The following PSD3 variants were observed in gnomAD, a reference collection of about 807,000 sequenced individuals.
PSD3 encodes the protein PH and SEC7 domain-containing protein 3.
A neutral mutation model predicts 105.5 loss-of-function variants in PSD3; 49 were observed. The ratio of observed to expected loss-of-function variants is 0.46; its 90% CI spans 0.37 to 0.59. The LOEUF (loss-of-function observed/expected upper bound fraction) is 0.59, where lower values mean the gene tolerates loss of function less well. Among genes scored for constraint, PSD3 ranks in the 20% least tolerant of loss-of-function variants. The pLI is 0.00. For missense variants in PSD3, 1,561 were observed against 1,263.8 expected (o/e 1.24, Z -3.57); for synonymous variants, 557 against 457.8 (o/e 1.22, Z -2.77).
intron 1 of PSD3, among the ~76,000 whole-genome samples, chr8:19,065,854 G>A (rs2129477739): frequency 6.6e-6 from 1 of 152,274 alleles, no homozygotes; most frequent in South Asian, 2.1e-4. Flanking sequence ...CCAGAGGCTA[G>A]GGGGTGGGGC....
intron 9 of PSD3, among the ~76,000 whole-genome samples, chr8:18,754,642 G>C (rs1419226592): frequency 6.6e-6 from 1 of 151,968 alleles, no homozygotes; most frequent in African/African-American, 2.4e-5. Flanking sequence ...TTAAAAACAG[G>C]ATCTAAATAC....
At chr8:19,057,397 A>G (rs1828745162) in intron 1 of PSD3, among the ~76,000 whole-genome samples, 1 of 152,186 alleles carries the variant, frequency 6.6e-6, no homozygotes, top group Non-Finnish European at 1.5e-5. Context: ...AGCATGAAAC[A>G]CAATTAACCC....
At position 18,607,440 on chromosome 8, in the gene PSD3, C is replaced by T. The variant is rs567429829; in HGVS notation, c.2411-7006G>A. 5.8e-4 allele frequency among the ~76,000 whole-genome samples: 88 copies of T among 152,238 alleles called. 1 individual carries two copies. The highest frequency in any genetic ancestry group is 1.6e-3 in the Admixed American group (24 of 15,296). ...ATCCACGGTTATAACCTCCATCTCACAGATGTGGAACCTATGACCACCTTC... is the reference window on the plus strand; with the variant it reads ...ATCCACGGTTATAACCTCCATCTCATAGATGTGGAACCTATGACCACCTTC... On this transcript the variant is annotated intron_variant, in intron 11 of 15. Coordinates refer to ENST00000327040, the MANE Select transcript of PSD3 (RefSeq NM_015310.4).
chr8:18,744,829 C>T (rs1221162171), intron 9 of PSD3, among the ~76,000 whole-genome samples: 7 of 152,218 alleles, frequency 4.6e-5, no homozygotes, highest in African/African-American at 1.7e-4. Context: ...CTAGAACCCA[C>T]AAGGCCTTCA....
chr8:19,015,236 C>G (rs141748179), upstream of PSD3, among the ~76,000 whole-genome samples: 663 of 152,316 alleles, frequency 4.4e-3, 3 homozygotes, highest in African/African-American at 0.015. Flanking sequence ...TCTTGGCCTA[C>G]TGCCATCCGC....
At chr8:18,610,167 G>C (rs961915324) in intron 11 of PSD3, among the ~76,000 whole-genome samples, 1 of 152,160 alleles carries the variant, frequency 6.6e-6, no homozygotes, top group African/African-American at 2.4e-5. Flanking sequence ...GAAAAAAGTA[G>C]GGCAGCCTTG....
intron 9 of PSD3, among the ~76,000 whole-genome samples, chr8:18,687,523 G>A (rs1045066887): frequency 6.6e-6 from 1 of 151,072 alleles, no homozygotes; most frequent in Non-Finnish European, 1.5e-5. Context: ...CAATAAATAC[G>A]AAATGATTTC....
At chr8:18,640,434 G>T (rs1807561484) in intron 10 of PSD3, among the ~76,000 whole-genome samples, 1 of 152,066 alleles carries the variant, frequency 6.6e-6, no homozygotes, top group Non-Finnish European at 1.5e-5. Flanking sequence ...GGGACCAGTG[G>T]GAGGTAACTG....
intron 1 of PSD3, among the ~76,000 whole-genome samples, chr8:19,047,036 G>A (rs764072316): frequency 5.2e-4 from 79 of 151,962 alleles, no homozygotes; most frequent in Non-Finnish European, 1.0e-3. Context: ...ATTTATCAGT[G>A]TATCCTCTGC....
chr8:18,545,332 C>G (rs1800393103), intron 15 of PSD3, among the ~76,000 whole-genome samples: 1 of 152,216 alleles, frequency 6.6e-6, no homozygotes, highest in Admixed American at 6.5e-5. Context: ...CTGCCACCCA[C>G]AAGGCCTCTG....
At chr8:18,818,871 G>C (rs1339385434) in intron 4 of PSD3, among the ~76,000 whole-genome samples, 1 of 152,022 alleles carries the variant, frequency 6.6e-6, no homozygotes, top group African/African-American at 2.4e-5. Context: ...GAATCCCCTT[G>C]GACTGATAAA....
At chr8:18,918,575 G>C (rs916877982) in intron 2 of PSD3, among the ~76,000 whole-genome samples, 19 of 152,314 alleles carry the variant, frequency 1.2e-4, no homozygotes, top group African/African-American at 4.6e-4. Flanking sequence ...TGTACTGAAG[G>C]AAGTTTTTAG....
intron 2 of PSD3, among the ~76,000 whole-genome samples, chr8:18,909,975 G>A (rs1021447972): frequency 3.9e-5 from 6 of 152,168 alleles, no homozygotes; most frequent in Non-Finnish European, 5.9e-5. Flanking sequence ...GCAGGCTGGT[G>A]CCCAATTATA....
At chr8:18,780,864 T>C (rs1205362602) in intron 8 of PSD3, among the ~76,000 whole-genome samples, 1 of 152,192 alleles carries the variant, frequency 6.6e-6, no homozygotes, top group Non-Finnish European at 1.5e-5. Flanking sequence ...CAGAGTTTTA[T>C]ACTTTTATGT....
chr8:18,829,060 G>A (rs1188603215), intron 4 of PSD3, among the ~76,000 whole-genome samples: 1 of 151,994 alleles, frequency 6.6e-6, no homozygotes, highest in Non-Finnish European at 1.5e-5. Flanking sequence ...GCGACAGAGT[G>A]AGACTCCGTT....
At chr8:18,556,416 A>G (rs1407149168) in intron 14 of PSD3, 64 bp from the exon 15 acceptor site, 6 of 1,518,622 alleles carry the variant, frequency 4.0e-6, no homozygotes, top group Non-Finnish European at 4.5e-6. Context: ...AAAGCACAGC[A>G]TACTTTAAAA....
At chr8:18,903,770 T>A (rs1819663263) in intron 2 of PSD3, among the ~76,000 whole-genome samples, 1 of 152,096 alleles carries the variant, frequency 6.6e-6, no homozygotes, top group African/African-American at 2.4e-5. Context: ...CTGCTTCAGC[T>A]TAGGTACTAG....
At chr8:18,743,419 C>T (rs557658452) in intron 9 of PSD3, among the ~76,000 whole-genome samples, 2 of 152,154 alleles carry the variant, frequency 1.3e-5, no homozygotes, top group Admixed American at 6.5e-5. Context: ...AGAAAATGTT[C>T]GAGCATGCTT....
chr8:18,832,994 G>T (rs1046265856), intron 4 of PSD3, among the ~76,000 whole-genome samples: 2 of 152,128 alleles, frequency 1.3e-5, no homozygotes, highest in Non-Finnish European at 2.9e-5. Flanking sequence ...ATGCTCTCTG[G>T]CATGGCAGTT....
Sources: gnomAD v4.1 joint callset for allele counts (sites outside exome capture counted in the v4.1 genomes callset) on GRCh38, gnomAD v4.1.1 for gene constraint, MANE v1.5 for transcripts, NCBI Gene and HGNC (gene_info 2026-07-23, HGNC 2026-07-21) for gene names.